NEB: variants seen among roughly 807,000 people sequenced by gnomAD.
NEB encodes nebulin, also known as nemaline myopathy type 2.
NEB carries 512 observed loss-of-function variants against 952.2 expected under a neutral mutation model. That is an observed-to-expected ratio of 0.54 (90% CI 0.50 to 0.58). The LOEUF (loss-of-function observed/expected upper bound fraction) is 0.58, where lower values mean the gene tolerates loss of function less well. Ranked by LOEUF, NEB falls within the 20% of genes least tolerant of loss-of-function variation. The pLI is 0.00. For missense variants in NEB, 8,428 were observed against 9,231.1 expected (o/e 0.91, Z 3.56); for synonymous variants, 2,900 against 3,149.8 (o/e 0.92, Z 2.66).
chr2:151,544,134 A>G (rs986276255), intron 135 of NEB, among the ~76,000 whole-genome samples: 1 of 152,190 alleles, frequency 6.6e-6, no homozygotes, highest in African/African-American at 2.4e-5. Flanking sequence ...GGAGAGGCAA[A>G]TGTGGTGCAA....
At position 151,518,983 on chromosome 2, in the gene NEB, T is replaced by C. The variant is rs778662915; in HGVS notation, c.22677A>G (p.Thr7559=). The C allele has an allele frequency of 2.5e-6, 4 of 1,613,032 alleles. No individual in the cohort carries two copies. The highest frequency in any genetic ancestry group is 3.4e-6 in the Non-Finnish European group (4 of 1,179,064). The change falls in exon 155 of 182, where the codon ACA becomes ACG. Residue 7559 remains threonine (T), a synonymous_variant. Coordinates refer to ENST00000397345, the MANE Select transcript of NEB (RefSeq NM_001164508.2). The part of the protein sequence containing the change: ...ESLIMNHVLN[T]SQLASSYQYK... Reference sequence around the variant, plus strand: ...AGCTTACAGAACTGGCAAGTTGGCTTGTATTCAGGACATGATTCATGATCA... The same window carrying C: ...AGCTTACAGAACTGGCAAGTTGGCTCGTATTCAGGACATGATTCATGATCA...
intron 105 of NEB, among the ~76,000 whole-genome samples, chr2:151,576,874 G>A (rs944450047): frequency 6.6e-6 from 1 of 151,936 alleles, no homozygotes; most frequent in Non-Finnish European, 1.5e-5. Context: ...TTAAAACAGA[G>A]CACTAGCCTG....
In NEB at chr2:151,605,034, T is replaced by C. The variant is rs2097640161; in HGVS notation, c.12748-163A>G. Among the ~76,000 whole-genome samples, 2 of 133,124 alleles carry C rather than the reference T, an allele frequency of 1.5e-5. 1 individual carries two copies. The highest frequency in any genetic ancestry group is 3.2e-5 in the Non-Finnish European group (2 of 61,586). The allele number at this position is 133,124 out of a possible 152,430, so 87.3% of individuals were successfully genotyped here. ...AGTTCACTTTAAAGAAATTAGATAATACGATTTTAGGTCATTTCAGAGAGG... is the reference window on the plus strand; with the variant it reads ...AGTTCACTTTAAAGAAATTAGATAACACGATTTTAGGTCATTTCAGAGAGG... On this transcript the variant is annotated intron_variant, in intron 84 of 181. Transcript: ENST00000397345.
chr2:151,572,522 A>C (rs549981562), intron 107 of NEB, among the ~76,000 whole-genome samples: 2 of 142,680 alleles, frequency 1.4e-5, no homozygotes, highest in Non-Finnish European at 3.1e-5. Context: ...TATATATATA[A>C]AATATATATA....
At chr2:151,658,197 G>C in intron 47 of NEB, 107 bp from the exon 48 acceptor site, 1 of 762,806 alleles carries the variant, frequency 1.3e-6, no homozygotes, top group East Asian at 2.7e-5. Flanking sequence ...TTTTTGAGCA[G>C]AATGCTTCGT....
At position 151,489,969 on chromosome 2, in the gene NEB, ACTCCAGCAGTAG is replaced by A; in HGVS notation, c.25394_25404+1del. 6.4e-7 allele frequency: 1 copy of A among 1,566,610 alleles called. No individual in the cohort carries two copies. ...TATTTAAGTGAGTTGTTATTCACTTACTCCAGCAGTAGATGGATGAGATGGGATGGAAGATAC... is the reference window on the plus strand; with the variant it reads ...TATTTAAGTGAGTTGTTATTCACTTAATGGATGAGATGGGATGGAAGATAC... On this transcript the variant is annotated splice_donor_variant and coding_sequence_variant, in exon 181 of 182. Transcript: ENST00000397345. LOFTEE classifies it high-confidence loss of function.
chr2:151,516,553 T>G lies in NEB; in HGVS notation c.22811A>C (p.Lys7604Thr), dbSNP rs1466304063. The change falls in exon 157 of 182, where the codon AAA becomes ACA. Residue 7604 changes from lysine (K) to threonine (T), a missense_variant. Around this residue, in one of 11 missense-constraint regions of NEB, gnomAD observed 3,374 missense variants for 3,651.5 expected, o/e 0.92. Transcript: ENST00000397345. The stretch of plus-strand genomic sequence containing the variant: ...TCCTCGTTCCTTTTCATACTTTTCT[T>G]TGTATTTCACCTGGTGATAGAAAGC... ...ATELQSIVKY[K>T]EKYEKERGKP... is the part of the protein sequence containing the mutation. The G allele has an allele frequency of 5.0e-6, 8 of 1,607,404 alleles. No homozygotes were observed. The highest frequency in any genetic ancestry group is 6.8e-6 in the Non-Finnish European group (8 of 1,174,818).
rs150547862 is a variant in NEB, at chr2:151,527,837, A to G, written c.21736-252T>C. 1.1e-3 allele frequency among the ~76,000 whole-genome samples: 161 copies of G among 152,280 alleles called. 2 individuals are homozygous for G. In the South Asian group the frequency reaches 0.02, roughly 19 times the overall value. The stretch of plus-strand genomic sequence containing the variant: ...GGCCTCCGGGTGAAATGATTCTTCA[A>G]TCTCTCTAGTTCTGCCAGTCCAGCC... On this transcript the variant is annotated intron_variant, in intron 146 of 181. Transcript: ENST00000397345.
chr2:151,631,064 TA>T (rs1418336008), intron 66 of NEB, 78 bp downstream of exon 66: 8 of 1,549,554 alleles, frequency 5.2e-6, no homozygotes, highest in Middle Eastern at 2.2e-4. Context: ...CCTTCATAGA[TA>T]ATTTAGACTC....
At position 151,656,343 on chromosome 2, in the gene NEB, T is replaced by C. The variant is rs755291524; in HGVS notation, c.6305A>G (p.Tyr2102Cys). The stretch of plus-strand genomic sequence containing the variant: ...CTTTGTGTTCTCATAGTTTTTCTTG[T>C]ACTCCCGATCAGATTGCATCTTAGC... ...QVAKMQSDRE[Y>C]KKNYENTKTS... The change falls in exon 49 of 182, where the codon TAC becomes TGC. Residue 2102 changes from tyrosine (Y) to cysteine (C), a missense_variant. This residue lies in a region of NEB where 2,851 missense variants were observed against 2,791.5 expected (regional missense o/e 1.02). Coordinates refer to ENST00000397345, the MANE Select transcript of NEB (RefSeq NM_001164508.2). 2.5e-6 allele frequency: 4 copies of C among 1,613,566 alleles called. No homozygotes were observed. The highest frequency in any genetic ancestry group is 4.5e-5 in the East Asian group (2 of 44,882).
chr2:151,509,859 C>T (rs186003676), intron 161 of NEB, among the ~76,000 whole-genome samples: 32 of 152,294 alleles, frequency 2.1e-4, no homozygotes, highest in Non-Finnish European at 4.0e-4. Context: ...CCACCCACCT[C>T]GGTCTCCCAA....
At chr2:151,490,159 C>CT (rs1323661739) in intron 180 of NEB, 82 bp from the exon 181 acceptor site, 2 of 1,230,534 alleles carry the variant, frequency 1.6e-6, no homozygotes, top group Non-Finnish European at 2.3e-6. Flanking sequence ...TGAGTGATGT[C>CT]TTTTTCCCCC....
At chr2:151,688,711 G>A (rs972948113) in intron 24 of NEB, among the ~76,000 whole-genome samples, 3 of 152,002 alleles carry the variant, frequency 2.0e-5, no homozygotes, top group Admixed American at 2.0e-4. Flanking sequence ...TTATATATTA[G>A]GCACAGTAAG....
In NEB at chr2:151,704,794, A is replaced by G. The variant is rs568854960; in HGVS notation, c.1152+2087T>C. On this transcript the variant is annotated intron_variant, in intron 13 of 181. Coordinates refer to ENST00000397345, the MANE Select transcript of NEB (RefSeq NM_001164508.2). ...TAGTGAGATGAACCCGGTACCTCAGATGGAAATGCAGAAATCACCCGTCTT... is the reference window on the plus strand; with the variant it reads ...TAGTGAGATGAACCCGGTACCTCAGGTGGAAATGCAGAAATCACCCGTCTT... Among the ~76,000 whole-genome samples, 180 of 152,258 alleles carry G rather than the reference A, an allele frequency of 1.2e-3. 1 individual carries two copies. The highest frequency in any genetic ancestry group is 4.2e-3 in the African/African-American group (176 of 41,556).
intron 130 of NEB, 115 bp downstream of exon 130, chr2:151,549,521 T>A: frequency 1.4e-6 from 1 of 733,722 alleles, no homozygotes; most frequent in Non-Finnish European, 2.4e-6. Flanking sequence ...CTCCCATCAT[T>A]CTATCAGGTT....
At position 151,733,756 on chromosome 2, in the gene NEB, T is replaced by C. The variant is rs1303700168; in HGVS notation, c.-74A>G. On this transcript the variant is annotated 5_prime_UTR_variant, in exon 2 of 182. Transcript: ENST00000397345. ...TTTCTTCCCGAACACCATTGGCTTA[T>C]ACAGACTTTTTCTTTCGTTTCTGTA... 2.0e-5 allele frequency: 3 copies of C among 152,246 alleles called. No homozygotes were observed. The highest frequency in any genetic ancestry group is 4.4e-5 in the Non-Finnish European group (3 of 68,054). 9.4% of individuals were successfully genotyped at this position (152,246 alleles called of 1,614,324 possible).
intron 150 of NEB, 124 bp from the exon 151 acceptor site, chr2:151,525,397 G>A: frequency 2.9e-6 from 2 of 681,054 alleles, no homozygotes. Flanking sequence ...CTGGGACTTA[G>A]ATAAGACCCA....
chr2:151,610,938 T>C, intron 78 of NEB, 72 bp from the exon 79 acceptor site: 1 of 907,428 alleles, frequency 1.1e-6, no homozygotes. Flanking sequence ...GCCAATAACA[T>C]CATTACAGTT....
At chr2:151,711,491 C>T (rs761571458) in intron 10 of NEB, among the ~76,000 whole-genome samples, 10 of 152,160 alleles carry the variant, frequency 6.6e-5, no homozygotes, top group Admixed American at 5.2e-4. Flanking sequence ...GCAGAGTCAA[C>T]GAGCTTGGGT....
Sources: allele counts gnomAD v4.1 joint callset (sites outside exome capture counted in the v4.1 genomes callset), GRCh38; gene constraint gnomAD v4.1.1; regional missense constraint gnomAD v4.1.1; transcripts MANE v1.5; gene names NCBI Gene and HGNC (gene_info 2026-07-23, HGNC 2026-07-21).